The following TGIF1 variants were observed in gnomAD, a reference collection of about 807,000 sequenced individuals.
The protein encoded by TGIF1 is TGFB induced factor homeobox 1, also known as homeobox protein TGIF1.
In TGIF1, 4 loss-of-function variants were observed where a neutral mutation model predicts 19.3. The observed-to-expected ratio is 0.21, with a 90% CI of 0.10 to 0.47. The LOEUF is 0.47. TGIF1 is among the 20% of genes least tolerant of loss of function. TGIF1 has a pLI of 0.98. For missense variants in TGIF1, 275 were observed against 341.4 expected, an observed-to-expected ratio of 0.81 and a Z score of 1.53; for synonymous variants, 122 against 129.3, an observed-to-expected ratio of 0.94 and a Z score of 0.38.
In TGIF1 at chr18:3,451,507, CAAAA is replaced by C. The variant is rs1227106004; in HGVS notation, c.16+1003_16+1006del. On this transcript the variant is annotated intron_variant, in intron 1 of 2. Coordinates refer to ENST00000343820, the MANE Select transcript of TGIF1 (RefSeq NM_003244.4). This position sits in a 1 kb window ranked among gnomAD's most constrained non-coding sequence, Gnocchi z 5.4. Reference sequence around the variant, plus strand: ...CTGTCGTGATTTATGTGGAGTGGTTCAAAACAGAAGTTAATCACTCGGGAAGCGG... The same window carrying C: ...CTGTCGTGATTTATGTGGAGTGGTTCCAGAAGTTAATCACTCGGGAAGCGG... 2 of 993,772 alleles carry C rather than the reference CAAAA, an allele frequency of 2.0e-6. No individual in the cohort carries two copies. The highest frequency in any genetic ancestry group is 3.5e-5 in the African/African-American group (2 of 57,578). 61.6% of individuals were successfully genotyped at this position (993,772 alleles called of 1,614,324 possible).
At position 3,451,928 on chromosome 18, in the gene TGIF1, GTC is replaced by G; in HGVS notation, c.16+1425_16+1426del. The G allele has an allele frequency of 6.5e-7, 1 of 1,537,830 alleles. No homozygotes were observed. The highest frequency in any genetic ancestry group is 8.8e-7 in the Non-Finnish European group (1 of 1,141,630). On this transcript the variant is annotated intron_variant, in intron 1 of 2. Coordinates refer to ENST00000343820, the MANE Select transcript of TGIF1 (RefSeq NM_003244.4). This position sits in a 1 kb window ranked among gnomAD's most constrained non-coding sequence, Gnocchi z 5.4. ...ACTGACAGGTCTAGAGACACGCGCTGTCTGTTGTGGTGGGCCTCCCGGGAATA... is the reference window on the plus strand; with the variant it reads ...ACTGACAGGTCTAGAGACACGCGCTGTGTTGTGGTGGGCCTCCCGGGAATA...
chr18:3,421,331 A>AAT (rs1246044179), intron 2 of TGIF1, among the ~76,000 whole-genome samples: 3 of 148,210 alleles, frequency 2.0e-5, no homozygotes, highest in African/African-American at 7.3e-5. Context: ...TAGTATATAA[A>AAT]ATATATATAT....
At chr18:3,447,660 C>A, upstream of TGIF1, 2 of 1,540,846 alleles carry the variant, frequency 1.3e-6, no homozygotes, top group South Asian at 2.2e-5. Flanking sequence ...AGCGGTTGGG[C>A]TGTAAGCTTT....
At chr18:3,437,648 C>T (rs1397977092) in intron 2 of TGIF1, among the ~76,000 whole-genome samples, 6 of 152,092 alleles carry the variant, frequency 3.9e-5, no homozygotes, top group Admixed American at 2.0e-4. Context: ...CAAAGCTACA[C>T]GGAAGGGCTT....
At chr18:3,422,190 TAAA>T (rs33992043) in intron 2 of TGIF1, among the ~76,000 whole-genome samples, 7 of 121,016 alleles carry the variant, frequency 5.8e-5, no homozygotes, top group African/African-American at 8.6e-5. Context: ...TGAGACACCG[TAAA>T]AAAAAAAAAA....
intron 2 of TGIF1, among the ~76,000 whole-genome samples, chr18:3,441,878 T>C (rs2082680743): frequency 6.6e-6 from 1 of 152,244 alleles, no homozygotes; most frequent in African/African-American, 2.4e-5. Context: ...ATTTAAATTA[T>C]AGACTTCAAA....
intron 2 of TGIF1, among the ~76,000 whole-genome samples, chr18:3,442,105 C>T (rs1336298499): frequency 6.6e-6 from 1 of 152,200 alleles, no homozygotes; most frequent in African/African-American, 2.4e-5. Context: ...ATAACTTTCA[C>T]TATTGGATCT....
chr18:3,423,760 C>T (rs2082436886), intron 2 of TGIF1, among the ~76,000 whole-genome samples: 2 of 151,984 alleles, frequency 1.3e-5, no homozygotes, highest in Admixed American at 1.3e-4. Context: ...GAGACTAAGG[C>T]AGGAGGATCA....
chr18:3,413,799 A>G (rs2082298830), intron 1 of TGIF1, among the ~76,000 whole-genome samples: 1 of 152,224 alleles, frequency 6.6e-6, no homozygotes, highest in Non-Finnish European at 1.5e-5. Flanking sequence ...ATATATCGTC[A>G]AGGGAATTAT....
rs1465842192 is a variant in TGIF1, at chr18:3,422,125, CGGAGA to C, written c.-45+3911_-45+3915del. ...AGGAGAATCGCTTGAACCTGGGAGGCGGAGATTGCAGTGAGCAGAGATGGCGCCAC... is the reference window on the plus strand; with the variant it reads ...AGGAGAATCGCTTGAACCTGGGAGGCTTGCAGTGAGCAGAGATGGCGCCAC... On this transcript the variant is annotated intron_variant, in intron 2 of 3. Coordinates refer to the TGIF1 transcript ENST00000401449. Among the ~76,000 whole-genome samples, 909 of 145,614 alleles carry C rather than the reference CGGAGA, an allele frequency of 6.2e-3. 14 individuals carry two copies. The highest frequency in any genetic ancestry group is 0.022 in the African/African-American group (873 of 39,766).
chr18:3,457,355 A>G lies in TGIF1; in HGVS notation c.244-10A>G, dbSNP rs777720966. ...GAGGAAAATGTTAAAGCGTACCGAT[A>G]TGATTTCAGGTCTGTAACTGGTTCA... On this transcript the variant is annotated splice_polypyrimidine_tract_variant and intron_variant, in intron 2 of 2. Coordinates refer to ENST00000343820, the MANE Select transcript of TGIF1 (RefSeq NM_003244.4). This position sits in a 1 kb window ranked among gnomAD's most constrained non-coding sequence, Gnocchi z 4.9. 3 of 1,614,132 alleles carry G rather than the reference A, an allele frequency of 1.9e-6. No individual in the cohort carries two copies. The highest frequency in any genetic ancestry group is 2.2e-5 in the East Asian group (1 of 44,892).
At chr18:3,414,124 T>C (rs2054868228) in intron 1 of TGIF1, among the ~76,000 whole-genome samples, 2 of 152,356 alleles carry the variant, frequency 1.3e-5, no homozygotes, top group Admixed American at 1.3e-4. Flanking sequence ...ATGACAGTTT[T>C]GTCTCCTCTT....
chr18:3,419,890 C>T (rs891329664), intron 2 of TGIF1, among the ~76,000 whole-genome samples: 11 of 152,096 alleles, frequency 7.2e-5, no homozygotes, highest in Non-Finnish European at 4.4e-5. Flanking sequence ...CCTGTAATCC[C>T]AGCTACTCAG....
At chr18:3,431,927 G>A (rs1398142791) in intron 2 of TGIF1, among the ~76,000 whole-genome samples, 2 of 151,996 alleles carry the variant, frequency 1.3e-5, no homozygotes. Flanking sequence ...TCAAGAGATC[G>A]AGACTATCCT....
chr18:3,451,810 G>A lies in TGIF1; in HGVS notation c.16+1305G>A. ...CCTAAGGACCCCTCCCCGCGGGACGGAGGGAGGACTCGGGACAGGGAATTG... is the reference window on the plus strand; with the variant it reads ...CCTAAGGACCCCTCCCCGCGGGACGAAGGGAGGACTCGGGACAGGGAATTG... On this transcript the variant is annotated intron_variant, in intron 1 of 2. Transcript: ENST00000343820. The surrounding 1 kb of genome is among the most constrained non-coding windows in gnomAD (Gnocchi z 5.4). 1 of 1,305,806 alleles carries A rather than the reference G, an allele frequency of 7.7e-7. No homozygotes were observed. The highest frequency in any genetic ancestry group is 9.7e-7 in the Non-Finnish European group (1 of 1,026,882). The allele number at this position is 1,305,806 out of a possible 1,614,324, so 80.9% of individuals were successfully genotyped here. A position where few individuals can be genotyped will look rare whatever the true frequency, so the allele number is the denominator to read the frequency against.
At chr18:3,432,272 C>A (rs1598870263) in intron 2 of TGIF1, among the ~76,000 whole-genome samples, 1 of 152,122 alleles carries the variant, frequency 6.6e-6, no homozygotes, top group Admixed American at 6.6e-5. Context: ...ACTAACAGGA[C>A]TTTACTTTCA....
At chr18:3,445,594 G>A (rs1427016196), upstream of TGIF1, among the ~76,000 whole-genome samples, 4 of 151,084 alleles carry the variant, frequency 2.6e-5, no homozygotes, top group Admixed American at 1.3e-4. Context: ...CGTGGTGGCA[G>A]GTGCCTGTGG....
At chr18:3,447,224 A>G (rs796816835), upstream of TGIF1, among the ~76,000 whole-genome samples, 10 of 152,304 alleles carry the variant, frequency 6.6e-5, no homozygotes, top group African/African-American at 2.4e-4. Flanking sequence ...AACGTTTATC[A>G]GTAGCCTCCG....
upstream of TGIF1, chr18:3,447,776 T>A (rs2082769469): frequency 6.2e-7 from 1 of 1,614,184 alleles, no homozygotes; most frequent in Admixed American, 1.7e-5. Context: ...ATTGGCCCGA[T>A]CAAGCCTGAC....
Sources: gnomAD v4.1 joint callset for allele counts (sites outside exome capture counted in the v4.1 genomes callset) on GRCh38, gnomAD v4.1.1 for gene constraint, Gnocchi (gnomAD v3.1) non-coding constraint, MANE v1.5 for transcripts, NCBI Gene and HGNC (gene_info 2026-07-23, HGNC 2026-07-21) for gene names.